C8A: variants seen among roughly 807,000 people sequenced by gnomAD.
The protein encoded by C8A is complement C8 alpha chain.
A neutral mutation model predicts 65.3 loss-of-function variants in C8A; 67 were observed. That is an observed-to-expected ratio of 1.03 (90% CI 0.84 to 1.26). C8A has a LOEUF of 1.26. C8A is among the 50% of genes most tolerant of loss of function. The pLI, the probability that C8A is intolerant of heterozygous loss-of-function variation, is 0.00. For synonymous variants in C8A, 290 were observed against 259.4 expected, an observed-to-expected ratio of 1.12 and a Z score of -1.13; for missense variants, 781 against 723.9, an observed-to-expected ratio of 1.08 and a Z score of -0.90.
intron 5 of C8A, among the ~76,000 whole-genome samples, chr1:56,882,764 G>C (rs574466971): frequency 8.5e-5 from 13 of 152,188 alleles, no homozygotes; most frequent in African/African-American, 2.9e-4. Context: ...CAGGCAAGAC[G>C]GACTAAGTGC....
chr1:56,897,941 G>A lies in C8A; in HGVS notation c.1097-8726G>A, dbSNP rs375167563. ...CCAAGAATAACATAATGTGATAAATGTTTAAATAGAAACAAATACAGTAGA... is the reference window on the plus strand; with the variant it reads ...CCAAGAATAACATAATGTGATAAATATTTAAATAGAAACAAATACAGTAGA... On this transcript the variant is annotated intron_variant, in intron 7 of 10. Transcript: ENST00000361249. 7.9e-5 allele frequency among the ~76,000 whole-genome samples: 12 copies of A among 152,258 alleles called. No individual in the cohort carries two copies. In the East Asian group the frequency reaches 9.6e-4, roughly 12 times the overall value.
rs903333572 is a variant in C8A, at chr1:56,906,942, C to A, written c.1222+150C>A. On this transcript the variant is annotated intron_variant, in intron 8 of 10. Coordinates refer to ENST00000361249, the MANE Select transcript of C8A (RefSeq NM_000562.3). ...ACGCTAAATACCCCAAAACAATGAC[C>A]TGCAGTGGCTTTATTTTGAATCTAC... 3 of 942,906 alleles carry A rather than the reference C, an allele frequency of 3.2e-6. No individual in the cohort carries two copies. The East Asian group carries it at 7.6e-5, about 24-fold the overall frequency. The allele number at this position is 942,906 out of a possible 1,614,324, so 58.4% of individuals were successfully genotyped here.
At chr1:56,883,814 T>A in intron 6 of C8A, 133 bp downstream of exon 6, 1 of 756,594 alleles carries the variant, frequency 1.3e-6, no homozygotes, top group Non-Finnish European at 2.2e-6. Flanking sequence ...GTCTGATCAG[T>A]GGTAATCAGG....
At chr1:56,907,592 A>G (rs1452037062) in intron 8 of C8A, among the ~76,000 whole-genome samples, 1 of 152,224 alleles carries the variant, frequency 6.6e-6, no homozygotes, top group Middle Eastern at 3.2e-3. Context: ...TGTTGTACCT[A>G]TAGCACCTAT....
At chr1:56,860,798 A>G (rs1281399634) in intron 1 of C8A, among the ~76,000 whole-genome samples, 2 of 152,188 alleles carry the variant, frequency 1.3e-5, no homozygotes, top group Non-Finnish European at 2.9e-5. Context: ...TACCTTCTTA[A>G]GGGTGAAAAA....
chr1:56,875,927 C>T, intron 3 of C8A, 135 bp from the exon 4 acceptor site: 1 of 1,222,496 alleles, frequency 8.2e-7, no homozygotes. Flanking sequence ...GGAAGGAAGG[C>T]AGAGGCAGTG....
intron 2 of C8A, among the ~76,000 whole-genome samples, chr1:56,874,446 C>A (rs1254638028): frequency 2.0e-5 from 3 of 152,154 alleles, no homozygotes; most frequent in African/African-American, 7.2e-5. Flanking sequence ...TCTTGAGTAC[C>A]TGACCTTAGA....
chr1:56,886,051 A>T lies in C8A; in HGVS notation c.980A>T (p.Tyr327Phe), dbSNP rs542666529. ...SLMELPDQYN[Y>F]GMYAKFINDY... Reference sequence around the variant, plus strand: ...ATGGAGCTTCCAGATCAGTACAATTATGGCATGTATGCCAAGTTCATCAAT... The same window carrying T: ...ATGGAGCTTCCAGATCAGTACAATTTTGGCATGTATGCCAAGTTCATCAAT... Residue 327 changes from tyrosine to phenylalanine, a missense_variant, in exon 7 of 11, where the codon TAT becomes TTT. By Grantham distance (22) the Tyr-to-Phe change is conservative. Transcript: ENST00000361249. The T allele has an allele frequency of 1.2e-5, 20 of 1,614,068 alleles. No individual in the cohort carries two copies. The highest frequency in any genetic ancestry group is 3.3e-5 in the Admixed American group (2 of 60,000).
At chr1:56,864,582 G>A (rs1644066306) in intron 1 of C8A, among the ~76,000 whole-genome samples, 1 of 152,126 alleles carries the variant, frequency 6.6e-6, no homozygotes, top group African/African-American at 2.4e-5. Flanking sequence ...TAGAGAGTGA[G>A]AAGGTTCAGA....
chr1:56,857,553 A>G (rs1016190104), intron 1 of C8A, among the ~76,000 whole-genome samples: 1 of 152,060 alleles, frequency 6.6e-6, no homozygotes, highest in Non-Finnish European at 1.5e-5. Flanking sequence ...GTGAACATAC[A>G]TAGATGAGGC....
intron 1 of C8A, among the ~76,000 whole-genome samples, chr1:56,866,924 A>C (rs1644094997): frequency 6.6e-6 from 1 of 152,186 alleles, no homozygotes; most frequent in South Asian, 2.1e-4. Flanking sequence ...TTTGCCATCA[A>C]ACCAACTAGT....
chr1:56,862,760 G>A (rs950806226), intron 1 of C8A, among the ~76,000 whole-genome samples: 1 of 152,150 alleles, frequency 6.6e-6, no homozygotes, highest in African/African-American at 2.4e-5. Context: ...ATGTCTTACT[G>A]ATTGAGTAGA....
chr1:56,911,065 G>T (rs1191375349), intron 9 of C8A, among the ~76,000 whole-genome samples: 54 of 141,880 alleles, frequency 3.8e-4, no homozygotes, highest in African/African-American at 9.7e-4. Context: ...AAAAACATGG[G>T]TTTTTTTTTT....
chr1:56,885,892 G>T (rs1557706214), intron 6 of C8A, 35 bp from the exon 7 acceptor site: 1 of 1,613,292 alleles, frequency 6.2e-7, no homozygotes, highest in Non-Finnish European at 8.5e-7. Flanking sequence ...TGCTCTCTTT[G>T]TTCTTTTGCT....
chr1:56,874,537 T>A (rs1408608605), intron 2 of C8A, among the ~76,000 whole-genome samples: 1 of 152,142 alleles, frequency 6.6e-6, no homozygotes, highest in Non-Finnish European at 1.5e-5. Context: ...CACAGTCTGG[T>A]GGGAGAGATG....
At position 56,865,372 on chromosome 1, in the gene C8A, C is replaced by T. The variant is rs115802698; in HGVS notation, c.78-2237C>T. Among the ~76,000 whole-genome samples, 798 of 152,262 alleles carry T rather than the reference C, an allele frequency of 5.2e-3. 12 individuals are homozygous for T. The highest frequency in any genetic ancestry group is 0.018 in the African/African-American group (748 of 41,554). On this transcript the variant is annotated intron_variant, in intron 1 of 10. Coordinates refer to ENST00000361249, the MANE Select transcript of C8A (RefSeq NM_000562.3). ...AGTGTCTGGTGAGGGCCTACTTCTT[C>T]GGTTAACAGGTGATCGTCTTCTAGC...
At chr1:56,917,045 CTG>C (rs142885967) in intron 10 of C8A, among the ~76,000 whole-genome samples, 13,502 of 152,296 alleles carry the variant, frequency 0.089, 747 homozygotes, top group Non-Finnish European at 0.13. Context: ...TCCATTGACT[CTG>C]TGTCATTCTT....
chr1:56,906,166 G>T (rs1178884697), intron 7 of C8A, among the ~76,000 whole-genome samples: 1 of 152,086 alleles, frequency 6.6e-6, no homozygotes, highest in Non-Finnish European at 1.5e-5. Context: ...AACATCGGTA[G>T]CTCTGAAAAA....
chr1:56,871,219 T>C (rs1012729810), intron 2 of C8A, among the ~76,000 whole-genome samples: 7 of 152,232 alleles, frequency 4.6e-5, no homozygotes, highest in African/African-American at 1.7e-4. Context: ...CAGCCAACTG[T>C]AAATGACAGA....
Sources: allele counts gnomAD v4.1 joint callset (sites outside exome capture counted in the v4.1 genomes callset), GRCh38; gene constraint gnomAD v4.1.1; transcripts MANE v1.5; gene names NCBI Gene and HGNC (gene_info 2026-07-23, HGNC 2026-07-21).